Variants in PPP2CB observed in about 807,000 individuals in gnomAD.
The protein encoded by PPP2CB is serine/threonine-protein phosphatase 2A catalytic subunit beta isoform.
Under a neutral mutation model 39.1 loss-of-function variants are expected in PPP2CB, and 18 were observed. The observed-to-expected ratio is 0.46, with a 90% CI of 0.32 to 0.68. PPP2CB has a LOEUF of 0.68. Among genes scored for constraint, PPP2CB ranks in the 30% least tolerant of loss-of-function variants. PPP2CB has a pLI of 0.04. For missense variants in PPP2CB, 226 were observed against 396.9 expected, an observed-to-expected ratio of 0.57 and a Z score of 3.66; for synonymous variants, 129 against 133.8, an observed-to-expected ratio of 0.96 and a Z score of 0.25.
chr8:30,796,831 A>G (rs1413919077), intron 3 of PPP2CB, among the ~76,000 whole-genome samples: 2 of 152,204 alleles, frequency 1.3e-5, no homozygotes, highest in Admixed American at 6.5e-5. Context: ...AAATGCAGAA[A>G]TAGCATTTGC....
chr8:30,787,428 C>A (rs1018987865), intron 6 of PPP2CB, among the ~76,000 whole-genome samples: 2 of 152,202 alleles, frequency 1.3e-5, no homozygotes, highest in Admixed American at 1.3e-4. Flanking sequence ...TAGCCTCAAC[C>A]TCCCTGGGCT....
intron 6 of PPP2CB, among the ~76,000 whole-genome samples, chr8:30,786,690 G>A (rs1408141907): frequency 7.4e-6 from 1 of 136,052 alleles, no homozygotes; most frequent in Non-Finnish European, 1.5e-5. Context: ...TTGAGGCAGA[G>A]TCTTGCTCTG....
intron 5 of PPP2CB, chr8:30,793,359 A>C (rs964153146): frequency 5.3e-5 from 8 of 152,360 alleles, no homozygotes; most frequent in African/African-American, 1.9e-4. Context: ...GACTATGCAC[A>C]TACAGTATGC....
intron 6 of PPP2CB, among the ~76,000 whole-genome samples, chr8:30,790,007 C>G (rs150132608): frequency 3.3e-5 from 5 of 152,140 alleles, no homozygotes; most frequent in Admixed American, 6.5e-5. Flanking sequence ...GCATTCTCCC[C>G]TGTGTGTGTT....
At chr8:30,788,028 T>G (rs971632938) in intron 6 of PPP2CB, among the ~76,000 whole-genome samples, 1 of 152,210 alleles carries the variant, frequency 6.6e-6, no homozygotes, top group Middle Eastern at 3.2e-3. Flanking sequence ...CAGTAAGGTC[T>G]CTAGTGATTT....
intron 1 of PPP2CB, among the ~76,000 whole-genome samples, chr8:30,803,214 T>C (rs751234881): frequency 1.3e-5 from 2 of 152,134 alleles, no homozygotes; most frequent in African/African-American, 4.8e-5. Flanking sequence ...ATGGTCTTAA[T>C]CTTCTTGACA....
At chr8:30,786,509 T>TTTTTTTTTTTTTTTTTTTTTTTTTG in intron 6 of PPP2CB, 1 of 382,536 alleles carries the variant, frequency 2.6e-6, no homozygotes, top group African/African-American at 2.1e-5. Context: ...GGTGAAAATT[T>TTTTTTTTTTTTTTTTTTTTTTTTTG]AAGAAGACAG....
intron 6 of PPP2CB, among the ~76,000 whole-genome samples, chr8:30,790,839 C>T (rs1806416826): frequency 6.6e-6 from 1 of 152,200 alleles, no homozygotes; most frequent in Non-Finnish European, 1.5e-5. Flanking sequence ...ATCCCTTAGC[C>T]TCCTGACTAT....
intron 1 of PPP2CB, among the ~76,000 whole-genome samples, chr8:30,807,742 G>GTGT (rs1323980671): frequency 1.3e-5 from 2 of 152,162 alleles, no homozygotes; most frequent in Non-Finnish European, 1.5e-5. Context: ...GTGCCAGCCT[G>GTGT]GCTCTCTTGG....
intron 3 of PPP2CB, 31 bp downstream of exon 3, chr8:30,797,550 C>A: frequency 6.4e-7 from 1 of 1,554,492 alleles, no homozygotes; most frequent in Non-Finnish European, 8.8e-7. Flanking sequence ...CCATTTACCT[C>A]CTCCCAAGAT....
At chr8:30,791,585 T>A in intron 5 of PPP2CB, 1 of 243,032 alleles carries the variant, frequency 4.1e-6, no homozygotes, top group South Asian at 1.4e-4. Flanking sequence ...TGTACTGAAT[T>A]TCTCCCACAA....
chr8:30,806,909 T>C (rs113686874), intron 1 of PPP2CB, among the ~76,000 whole-genome samples: 129 of 152,348 alleles, frequency 8.5e-4, no homozygotes, highest in African/African-American at 2.9e-3. Context: ...GTATTAAGTA[T>C]TAAATATATT....
At chr8:30,796,767 TTTC>T (rs762608831) in intron 3 of PPP2CB, among the ~76,000 whole-genome samples, 37 of 152,228 alleles carry the variant, frequency 2.4e-4, no homozygotes, top group South Asian at 2.1e-3. Flanking sequence ...ATTTGCATAA[TTTC>T]TTCTTATACT....
At chr8:30,788,171 T>A (rs780230085) in intron 6 of PPP2CB, among the ~76,000 whole-genome samples, 8 of 152,224 alleles carry the variant, frequency 5.3e-5, no homozygotes, top group Non-Finnish European at 1.0e-4. Flanking sequence ...AAACCTCGTT[T>A]CATAAGCTTA....
At chr8:30,801,129 G>C (rs1384110229) in intron 1 of PPP2CB, among the ~76,000 whole-genome samples, 1 of 151,958 alleles carries the variant, frequency 6.6e-6, no homozygotes, top group African/African-American at 2.4e-5. Flanking sequence ...TGGGAAGACA[G>C]CTTGAGCTGG....
At position 30,786,115 on chromosome 8, in the gene PPP2CB, A is replaced by C. The variant is rs192973893; in HGVS notation, c.*120T>G. On this transcript the variant is annotated 3_prime_UTR_variant, in exon 7 of 7. Transcript: ENST00000221138. ...TGGTCCATGATGTGGTTTAATGCCA[A>C]GACAGATCCCAATTTGTTACAGAAA... 1,591 of 919,008 alleles carry C rather than the reference A, an allele frequency of 1.7e-3. 28 individuals carry two copies. The African/African-American group carries it at 0.024, about 14-fold the overall frequency. The allele number at this position is 919,008 out of a possible 1,614,324, so 56.9% of individuals were successfully genotyped here. A position where few individuals can be genotyped will look rare whatever the true frequency, so the allele number is the denominator to read the frequency against.
At chr8:30,807,345 T>C (rs1806741733) in intron 1 of PPP2CB, among the ~76,000 whole-genome samples, 1 of 152,236 alleles carries the variant, frequency 6.6e-6, no homozygotes, top group Non-Finnish European at 1.5e-5. Flanking sequence ...AAATCACTCA[T>C]TTTTACCAGA....
rs1413331452 is a variant in PPP2CB, at chr8:30,812,476, C to A, written c.-55G>T. 12 of 1,320,976 alleles carry A rather than the reference C, an allele frequency of 9.1e-6. No homozygotes were observed. Among genetic ancestry groups the A allele is most frequent in the African/African-American group, 7.7e-5 (5 of 64,966 alleles). 81.8% of individuals were successfully genotyped at this position (1,320,976 alleles called of 1,614,324 possible). ...CCCCAGCCCGGCCGCCGCCCTCCCCCCTCCCCACCCGCCCCCGGCCCCGGC... is the reference window on the plus strand; with the variant it reads ...CCCCAGCCCGGCCGCCGCCCTCCCCACTCCCCACCCGCCCCCGGCCCCGGC... On this transcript the variant is annotated 5_prime_UTR_variant, in exon 1 of 7. Coordinates refer to ENST00000221138, the MANE Select transcript of PPP2CB (RefSeq NM_001009552.2).
intron 1 of PPP2CB, among the ~76,000 whole-genome samples, chr8:30,805,492 G>A (rs1251540751): frequency 2.0e-5 from 3 of 151,992 alleles, no homozygotes; most frequent in Admixed American, 6.6e-5. Context: ...CCCGGTAGGC[G>A]GAGCTTGCAG....
Sources: allele counts gnomAD v4.1 joint callset (sites outside exome capture counted in the v4.1 genomes callset), GRCh38; gene constraint gnomAD v4.1.1; transcripts MANE v1.5; gene names NCBI Gene and HGNC (gene_info 2026-07-23, HGNC 2026-07-21).